DRC1: variants seen among roughly 807,000 people sequenced by gnomAD.
The protein encoded by DRC1 is dynein regulatory complex subunit 1.
DRC1 carries 74 observed loss-of-function variants against 98.7 expected under a neutral mutation model. The ratio of observed to expected loss-of-function variants is 0.75; its 90% confidence interval spans 0.62 to 0.91. DRC1 has a LOEUF of 0.91. Ranked by LOEUF, DRC1 falls within the 40% of genes least tolerant of loss-of-function variation. The probability of loss-of-function intolerance (pLI) is 0.00; values close to 1 mark genes in which losing one functional copy is unlikely to be tolerated. For synonymous variants in DRC1, 336 were observed against 334.1 expected (o/e 1.01, Z -0.06); for missense variants, 875 against 886.0 (o/e 0.99, Z 0.16).
In DRC1 at chr2:26,453,374, A is replaced by C. The variant is rs1433869959; in HGVS notation, c.1744A>C (p.Thr582Pro). 1 of 1,614,210 alleles carries C rather than the reference A, an allele frequency of 6.2e-7. No individual in the cohort carries two copies. The highest frequency in any genetic ancestry group is 1.7e-5 in the Admixed American group (1 of 60,022). ...MEKASMEETS[T>P]RSELELAEQT... The stretch of plus-strand genomic sequence containing the variant: ...GAAGGCGAGCATGGAGGAGACAAGC[A>C]CGAGGTCAGAATTGGAGCTGGCAGA... The change falls in exon 14 of 17, where the codon ACG becomes CCG. Residue 582 changes from threonine to proline, a missense_variant. Transcript: ENST00000288710.
At chr2:26,410,893 A>G (rs996734620) in intron 1 of DRC1, among the ~76,000 whole-genome samples, 1 of 152,264 alleles carries the variant, frequency 6.6e-6, no homozygotes, top group African/African-American at 2.4e-5. Context: ...ACATACAAAG[A>G]AAGGCATAAA....
rs183655797 is a variant in DRC1, at chr2:26,454,346, G to C, written c.1920-301G>C. On this transcript the variant is annotated intron_variant, in intron 14 of 16. Coordinates refer to ENST00000288710, the MANE Select transcript of DRC1 (RefSeq NM_145038.5). The surrounding 1 kb of genome is among the most constrained non-coding windows in gnomAD (Gnocchi z 5.2). The stretch of plus-strand genomic sequence containing the variant: ...CATGACTGAATTCAAGTGCTGTTTT[G>C]GATGTGTTGGTGCAAGAGATGGGCA... 2.6e-5 allele frequency among the ~76,000 whole-genome samples: 4 copies of C among 152,298 alleles called. No homozygotes were observed. Among genetic ancestry groups the C allele is most frequent in the Admixed American group, 1.3e-4 (2 of 15,300 alleles).
chr2:26,416,520 C>T (rs1033118662), intron 2 of DRC1, among the ~76,000 whole-genome samples: 1 of 152,074 alleles, frequency 6.6e-6, no homozygotes. Context: ...AGTCTTCTAT[C>T]GTTTCTTCTA....
intron 7 of DRC1, among the ~76,000 whole-genome samples, chr2:26,435,751 C>CT (rs58013906): frequency 0.028 from 4,049 of 143,516 alleles, 162 homozygotes; most frequent in African/African-American, 0.094. Flanking sequence ...TATTCTCATT[C>CT]TTTTTTTTTT....
At chr2:26,409,098 AT>A (rs748498967) in intron 1 of DRC1, among the ~76,000 whole-genome samples, 668 of 141,638 alleles carry the variant, frequency 4.7e-3, no homozygotes, top group Admixed American at 4.5e-3. Context: ...TGCCCGGCTA[AT>A]TTTTTTTTTT....
Position 26,447,955 on chromosome 2 carries a change from T to C in DRC1, c.1397-736T>C, listed in dbSNP as rs186879339. 2.0e-5 allele frequency among the ~76,000 whole-genome samples: 3 copies of C among 151,252 alleles called. No individual in the cohort carries two copies. The East Asian group carries it at 6.0e-4, about 30-fold the overall frequency. On this transcript the variant is annotated intron_variant, in intron 10 of 16. Transcript: ENST00000288710. ...TAATATTTCTCTGGACCAGGCGCCGTGGCTCATGCCTGTAATCTCAGCACT... is the reference window on the plus strand; with the variant it reads ...TAATATTTCTCTGGACCAGGCGCCGCGGCTCATGCCTGTAATCTCAGCACT...
chr2:26,448,156 C>T (rs1040392638), intron 10 of DRC1: 14 of 256,284 alleles, frequency 5.5e-5, no homozygotes, highest in African/African-American at 2.4e-4. Context: ...ACCCAGGAGG[C>T]GGAGGTTGCA....
At position 26,431,611 on chromosome 2, in the gene DRC1, C is replaced by CT. The variant is rs145806664; in HGVS notation, c.766-263dup. On this transcript the variant is annotated intron_variant, in intron 6 of 16. Coordinates refer to ENST00000288710, the MANE Select transcript of DRC1 (RefSeq NM_145038.5). ...TCAGGGTCTGTGCGTAATTTCTTTT[C>CT]TTTTTTTTTTCAAATATTTAGACTT... Among the ~76,000 whole-genome samples, 3,428 of 148,208 alleles carry CT rather than the reference C, an allele frequency of 0.023. 130 individuals carry two copies. Among genetic ancestry groups the CT allele is most frequent in the African/African-American group, 0.08 (3,226 of 40,442 alleles).
At chr2:26,411,996 A>T (rs1394865572) in intron 1 of DRC1, among the ~76,000 whole-genome samples, 1 of 152,170 alleles carries the variant, frequency 6.6e-6, no homozygotes, top group African/African-American at 2.4e-5. Context: ...TAAGCCTGGC[A>T]ATAGCTGAAG....
At chr2:26,448,920 C>A in intron 11 of DRC1, 117 bp downstream of exon 11, 2 of 1,057,748 alleles carry the variant, frequency 1.9e-6, no homozygotes, top group Non-Finnish European at 2.8e-6. Context: ...CCTGGCCAAG[C>A]CCAGGGTTGG....
chr2:26,438,539 A>G (rs914353990), intron 7 of DRC1, among the ~76,000 whole-genome samples: 1 of 152,204 alleles, frequency 6.6e-6, no homozygotes, highest in African/African-American at 2.4e-5. Flanking sequence ...TCTGTTCTGA[A>G]GGAGACATTC....
chr2:26,445,094 C>T, intron 10 of DRC1, 146 bp downstream of exon 10: 1 of 901,530 alleles, frequency 1.1e-6, no homozygotes, highest in South Asian at 1.8e-5. Flanking sequence ...TAATTTATAG[C>T]TTTGCTCTCT....
chr2:26,425,897 A>ATT (rs1663271989), intron 4 of DRC1, among the ~76,000 whole-genome samples: 2 of 151,690 alleles, frequency 1.3e-5, no homozygotes, highest in South Asian at 2.1e-4. Flanking sequence ...ATGTGCAAAC[A>ATT]TTTTTGAGTT....
Position 26,455,082 on chromosome 2 carries a change from C to T in DRC1, c.2064-49C>T, listed in dbSNP as rs1396019516. On this transcript the variant is annotated intron_variant, in intron 15 of 16. Transcript: ENST00000288710. ...CACCAAGACCCTGGCCCCTACTTGG[C>T]AGAGGATGGAGGATTCAGTGAGCCT... The T allele has an allele frequency of 3.1e-6, 5 of 1,599,074 alleles. No individual in the cohort carries two copies. The African/African-American group carries it at 5.4e-5, about 17-fold the overall frequency.
In DRC1 at chr2:26,410,428, T is replaced by G. The variant is rs11687049; in HGVS notation, c.156-3916T>G. On this transcript the variant is annotated intron_variant, in intron 1 of 16. Transcript: ENST00000288710. ...CTGGGATTACAGACACCTGCCACTA[T>G]GCCCGGCTAATTTTTGTATTTTTAG... Among the ~76,000 whole-genome samples, 1,151 of 151,662 alleles carry G rather than the reference T, an allele frequency of 7.6e-3. 5 individuals are homozygous for G. Among genetic ancestry groups the G allele is most frequent in the Non-Finnish European group, 0.012 (843 of 67,846 alleles).
chr2:26,455,033 C>A, intron 15 of DRC1, 98 bp from the exon 16 acceptor site: 1 of 1,450,916 alleles, frequency 6.9e-7, no homozygotes. Context: ...TGGAGTCTCC[C>A]TCCACCTGTA....
chr2:26,440,606 A>G (rs1663694843), intron 8 of DRC1, 89 bp downstream of exon 8: 3 of 1,403,624 alleles, frequency 2.1e-6, no homozygotes, highest in African/African-American at 2.9e-5. Flanking sequence ...AAGGGGTAGA[A>G]ACCATTAAAA....
intron 1 of DRC1, among the ~76,000 whole-genome samples, chr2:26,412,375 C>A (rs1379986686): frequency 6.6e-6 from 1 of 152,054 alleles, no homozygotes; most frequent in Admixed American, 6.6e-5. Flanking sequence ...TCTCAAAAAA[C>A]GAAATGAAAC....
chr2:26,416,009 A>T (rs976465740), intron 2 of DRC1, among the ~76,000 whole-genome samples: 6 of 151,992 alleles, frequency 3.9e-5, no homozygotes, highest in African/African-American at 1.2e-4. Flanking sequence ...TAGATTTTTT[A>T]AAATGCTGAT....
Sources: gnomAD v4.1 joint callset for allele counts (sites outside exome capture counted in the v4.1 genomes callset) on GRCh38, gnomAD v4.1.1 for gene constraint, Gnocchi (gnomAD v3.1) non-coding constraint, MANE v1.5 for transcripts, NCBI Gene and HGNC (gene_info 2026-07-23, HGNC 2026-07-21) for gene names.